SPEF2: variants seen among roughly 807,000 people sequenced by gnomAD.
SPEF2 encodes sperm flagella and cilia-associated protein 2.
SPEF2 carries 187 observed loss-of-function variants against 224.6 expected under a neutral mutation model. The observed-to-expected ratio is 0.83, with a 90% CI of 0.74 to 0.94. SPEF2 has a LOEUF of 0.94. Ranked by LOEUF, SPEF2 falls within the 40% of genes least tolerant of loss-of-function variation. SPEF2 has a pLI of 0.00. For synonymous variants in SPEF2, 715 were observed against 707.3 expected, an observed-to-expected ratio of 1.01 and a Z score of -0.17; for missense variants, 2,170 against 2,135.6, an observed-to-expected ratio of 1.02 and a Z score of -0.32.
chr5:35,672,924 G>A (rs972034156), intron 10 of SPEF2, among the ~76,000 whole-genome samples: 1 of 152,086 alleles, frequency 6.6e-6, no homozygotes, highest in Non-Finnish European at 1.5e-5. Flanking sequence ...AATTAAAACA[G>A]ATATTTGCTT....
chr5:35,630,183 G>T (rs1744886409), intron 2 of SPEF2, among the ~76,000 whole-genome samples: 1 of 152,158 alleles, frequency 6.6e-6, no homozygotes, highest in Non-Finnish European at 1.5e-5. Flanking sequence ...GCATTCACAG[G>T]CTGGTGTTGA....
At chr5:35,759,005 C>CAAAAAAAAAA (rs57893412) in intron 24 of SPEF2, among the ~76,000 whole-genome samples, 2 of 51,332 alleles carry the variant, frequency 3.9e-5, no homozygotes, top group African/African-American at 8.8e-5. Context: ...GACTCTGTCT[C>CAAAAAAAAAA]AAAAAAAAAA....
At chr5:35,710,446 G>T in intron 19 of SPEF2, 1 of 522,962 alleles carries the variant, frequency 1.9e-6, no homozygotes, top group Non-Finnish European at 2.5e-6. Context: ...AATCCCAGCT[G>T]CTTGGGAGGC....
chr5:35,679,609 T>C (rs894508070), intron 10 of SPEF2, among the ~76,000 whole-genome samples: 2 of 152,154 alleles, frequency 1.3e-5, no homozygotes, highest in African/African-American at 4.8e-5. Flanking sequence ...CCAAGGCAAA[T>C]ACCCAGTTAG....
At chr5:35,804,806 C>G (rs1326922867) in intron 34 of SPEF2, among the ~76,000 whole-genome samples, 1 of 152,084 alleles carries the variant, frequency 6.6e-6, no homozygotes, top group Non-Finnish European at 1.5e-5. Flanking sequence ...ACAGAGAGCC[C>G]AGGTTCCTTC....
intron 26 of SPEF2, among the ~76,000 whole-genome samples, chr5:35,763,974 G>A (rs1751721035): frequency 6.6e-6 from 1 of 152,156 alleles, no homozygotes; most frequent in East Asian, 1.9e-4. Flanking sequence ...TGTTAATGAG[G>A]TGGGTCAAGT....
At chr5:35,638,287 C>T (rs1370501195) in intron 2 of SPEF2, among the ~76,000 whole-genome samples, 3 of 151,860 alleles carry the variant, frequency 2.0e-5, no homozygotes, top group African/African-American at 4.8e-5. Context: ...TATGATATCC[C>T]CATCAGCTTA....
chr5:35,651,225 G>A (rs908006051), intron 6 of SPEF2, among the ~76,000 whole-genome samples: 4 of 152,200 alleles, frequency 2.6e-5, no homozygotes, highest in East Asian at 3.8e-4. Context: ...GCTGGGAAAC[G>A]TAGTCTTTAA....
intron 4 of SPEF2, among the ~76,000 whole-genome samples, chr5:35,646,263 T>C (rs1296466466): frequency 1.3e-5 from 2 of 152,184 alleles, no homozygotes; most frequent in African/African-American, 4.8e-5. Context: ...CTAGAAACTA[T>C]CTCCTAGATA....
At position 35,744,541 on chromosome 5, in the gene SPEF2, C is replaced by G. The variant is rs764041752; in HGVS notation, c.3330+4274C>G. ...TGAGCCACAGACATGATGTTACTTG[C>G]AAAGGTTTCACACTGAGTCCGTGGG... On this transcript the variant is annotated intron_variant, in intron 23 of 36. Transcript: ENST00000356031. 3.3e-5 allele frequency among the ~76,000 whole-genome samples: 5 copies of G among 152,302 alleles called. 1 individual carries two copies. The South Asian group carries it at 1.0e-3, about 32-fold the overall frequency.
At chr5:35,731,297 A>C (rs1347318067) in intron 21 of SPEF2, among the ~76,000 whole-genome samples, 1 of 152,230 alleles carries the variant, frequency 6.6e-6, no homozygotes, top group Non-Finnish European at 1.5e-5. Flanking sequence ...TCAGTCATGA[A>C]GTCAATATTT....
chr5:35,624,487 A>C (rs2149360292), intron 1 of SPEF2, among the ~76,000 whole-genome samples: 1 of 152,298 alleles, frequency 6.6e-6, no homozygotes, highest in East Asian at 1.9e-4. Flanking sequence ...AATTAGTCAT[A>C]GTATTCAGTG....
At chr5:35,778,287 T>A (rs921125172) in intron 29 of SPEF2, among the ~76,000 whole-genome samples, 1 of 152,234 alleles carries the variant, frequency 6.6e-6, no homozygotes, top group Non-Finnish European at 1.5e-5. Context: ...AAATAATTTT[T>A]AAAAGGTCAT....
At chr5:35,631,230 T>A (rs1224792432) in intron 2 of SPEF2, among the ~76,000 whole-genome samples, 2 of 152,180 alleles carry the variant, frequency 1.3e-5, no homozygotes, top group African/African-American at 4.8e-5. Flanking sequence ...TCAGACCTTG[T>A]GAGACCCATT....
At chr5:35,734,566 T>A (rs776638198) in intron 21 of SPEF2, among the ~76,000 whole-genome samples, 7 of 152,204 alleles carry the variant, frequency 4.6e-5, no homozygotes, top group Non-Finnish European at 7.3e-5. Flanking sequence ...GGCCATGGAT[T>A]GGACAAGCTT....
rs772807887 is a variant in SPEF2, at chr5:35,646,765, A to G, written c.684A>G (p.Ala228=). ...CTGCATCAAATCGTACTTTGAAAGC[A>G]CTCGAGGCCCAAAAAATGATGAAAA... ...PKPASNRTLK[A]LEAQKMMKKK... Residue 228 remains alanine (A), a synonymous_variant, in exon 5 of 37, where the codon GCA becomes GCG. Transcript: ENST00000356031. 1.2e-6 allele frequency: 2 copies of G among 1,613,904 alleles called. No individual in the cohort carries two copies. The highest frequency in any genetic ancestry group is 2.2e-5 in the South Asian group (2 of 91,062).
At chr5:35,730,317 G>A (rs554169168) in intron 21 of SPEF2, among the ~76,000 whole-genome samples, 1 of 152,364 alleles carries the variant, frequency 6.6e-6, no homozygotes, top group African/African-American at 2.4e-5. Context: ...CTTCCAGCCT[G>A]TAGAGTCACA....
chr5:35,789,737 A>G (rs1315742421), intron 30 of SPEF2: 1 of 683,252 alleles, frequency 1.5e-6, no homozygotes, highest in Admixed American at 2.2e-5. Context: ...TGAACCTATT[A>G]TTCTCCCATG....
At chr5:35,718,003 T>A (rs1742921676) in intron 20 of SPEF2, among the ~76,000 whole-genome samples, 1 of 152,168 alleles carries the variant, frequency 6.6e-6, no homozygotes, top group African/African-American at 2.4e-5. Flanking sequence ...TCCAGTTTCA[T>A]GGCTGTTTAT....
Sources: allele counts gnomAD v4.1 joint callset (sites outside exome capture counted in the v4.1 genomes callset), GRCh38; gene constraint gnomAD v4.1.1; transcripts MANE v1.5; gene names NCBI Gene and HGNC (gene_info 2026-07-23, HGNC 2026-07-21).